ZNF2: variants seen among roughly 807,000 people sequenced by gnomAD.
ZNF2 encodes the protein zinc finger protein 2.2.
Under a neutral mutation model 21.9 loss-of-function variants are expected in ZNF2, and 12 were observed. That is an observed-to-expected ratio of 0.55 (90% confidence interval 0.35 to 0.89). ZNF2 has a LOEUF of 0.89. ZNF2 is among the 40% of genes least tolerant of loss of function. The probability of loss-of-function intolerance (pLI) is 0.01; values close to 1 mark genes in which losing one functional copy is unlikely to be tolerated. For synonymous variants in ZNF2, 186 were observed against 196.3 expected, an observed-to-expected ratio of 0.95 and a Z score of 0.44; for missense variants, 462 against 544.2, an observed-to-expected ratio of 0.85 and a Z score of 1.50.
Position 95,181,438 on chromosome 2 carries a change from C to T in ZNF2, c.610C>T (p.Arg204Cys), listed in dbSNP as rs367743359. ...CACTGGGGAGAAGCCCTACGACTGC[C>T]GCGAGTGTGGGAAAGCCTTCAGCCA... ...THTGEKPYDC[R>C]ECGKAFSHRS... The change falls in exon 5 of 5, where the codon CGC becomes TGC. Residue 204 changes from arginine (R) to cysteine (C), a missense_variant. Coordinates refer to ENST00000614034, the MANE Select transcript of ZNF2 (RefSeq NM_021088.4). 7.7e-5 allele frequency: 124 copies of T among 1,613,886 alleles called. No homozygotes were observed. Among genetic ancestry groups the T allele is most frequent in the South Asian group, 5.5e-5 (5 of 91,062 alleles).
At chr2:95,167,046 GAGCTATGGGC>G (rs1219301691) in intron 1 of ZNF2, among the ~76,000 whole-genome samples, 1 of 152,214 alleles carries the variant, frequency 6.6e-6, no homozygotes, top group Non-Finnish European at 1.5e-5. Context: ...TACAAAGACT[GAGCTATGGGC>G]AGCATCCATG....
At position 95,182,606 on chromosome 2, in the gene ZNF2, G is replaced by A. The variant is rs1875402; in HGVS notation, c.*500G>A. 0.79 allele frequency: 121,794 copies of A among 155,120 alleles called. 48,121 individuals are homozygous for A. The highest frequency in any genetic ancestry group is 0.84 in the African/African-American group (34,916 of 41,484). The allele number at this position is 155,120 out of a possible 1,614,324, so 9.6% of individuals were successfully genotyped here. ...TAGCTAGCACTTACTGAGCACCTGC[G>A]ATGAGGTAAAGACTCAGCTAAGGGT... On this transcript the variant is annotated 3_prime_UTR_variant, in exon 5 of 5. Transcript: ENST00000614034.
intron 1 of ZNF2, among the ~76,000 whole-genome samples, chr2:95,166,596 C>T (rs1674050770): frequency 6.6e-6 from 1 of 152,076 alleles, no homozygotes; most frequent in Admixed American, 6.5e-5. Flanking sequence ...TAGCAGAGAG[C>T]TACTTAGGAA....
chr2:95,176,985 T>A (rs1410109280), intron 2 of ZNF2, among the ~76,000 whole-genome samples: 5 of 152,154 alleles, frequency 3.3e-5, no homozygotes, highest in Non-Finnish European at 7.4e-5. Flanking sequence ...ATAAGATCAA[T>A]GCTATTTTCT....
rs1479388823 is a variant in ZNF2, at chr2:95,182,845, A to C, written c.*739A>C. On this transcript the variant is annotated 3_prime_UTR_variant, in exon 5 of 5. Transcript: ENST00000614034. Reference sequence around the variant, plus strand: ...TTATGCTCGATGGTTTGTTTGTTTTATAATTTATGTATATGTATTATCCTC... The same window carrying C: ...TTATGCTCGATGGTTTGTTTGTTTTCTAATTTATGTATATGTATTATCCTC... 6.6e-6 allele frequency: 1 copy of C among 152,278 alleles called. No homozygotes were observed. The allele number at this position is 152,278 out of a possible 1,614,324, so 9.4% of individuals were successfully genotyped here. A position where few individuals can be genotyped will look rare whatever the true frequency, so the allele number is the denominator to read the frequency against.
At position 95,183,288 on chromosome 2, in the gene ZNF2, A is replaced by T. The variant is rs1674744869; in HGVS notation, c.*1182A>T. On this transcript the variant is annotated 3_prime_UTR_variant, in exon 5 of 5. Coordinates refer to ENST00000614034, the MANE Select transcript of ZNF2 (RefSeq NM_021088.4). ...AGAGAAAGCTAGAGGAATTTGTAGG[A>T]TATTTTCTTAGACCCAGGCTTACAT... 1 of 152,220 alleles carries T rather than the reference A, an allele frequency of 6.6e-6. No homozygotes were observed. The highest frequency in any genetic ancestry group is 1.5e-5 in the Non-Finnish European group (1 of 68,066). 9.4% of individuals were successfully genotyped at this position (152,220 alleles called of 1,614,324 possible).
intron 1 of ZNF2, among the ~76,000 whole-genome samples, chr2:95,167,163 CA>C: frequency 6.6e-6 from 1 of 152,208 alleles, no homozygotes. Context: ...TTACAGTAAC[CA>C]CTTGAATAAG....
chr2:95,180,353 T>C, intron 4 of ZNF2, 81 bp downstream of exon 4: 1 of 895,156 alleles, frequency 1.1e-6, no homozygotes, highest in East Asian at 2.5e-5. Context: ...ACAGGTATCA[T>C]CTTTCTCTCA....
In ZNF2 at chr2:95,176,254, T is replaced by C. The variant is rs1344908984; in HGVS notation, c.28T>C (p.Cys10Arg). The change falls in exon 2 of 5, where the codon TGC becomes CGC. Residue 10 changes from cysteine to arginine, a missense_variant. Transcript: ENST00000614034. ...GGCTGCTGTGTCTCCGACCACCAGA[T>C]GCCAGGTGAGGTGGACTTTTGTGTT... MAAVSPTTR[C>R]QESVTFEDVA... 1.3e-5 allele frequency: 21 copies of C among 1,614,072 alleles called. No homozygotes were observed. Among genetic ancestry groups the C allele is most frequent in the Non-Finnish European group, 1.7e-5 (20 of 1,180,042 alleles).
intron 4 of ZNF2, 145 bp downstream of exon 4, chr2:95,180,417 T>C: frequency 1.7e-6 from 1 of 572,772 alleles, no homozygotes; most frequent in South Asian, 2.6e-5. Context: ...AGCTTTTATT[T>C]TTTTCCCTCT....
intron 4 of ZNF2, 27 bp downstream of exon 4, chr2:95,180,299 G>T: frequency 6.6e-7 from 1 of 1,526,056 alleles, no homozygotes; most frequent in Non-Finnish European, 9.0e-7. Context: ...AAGACAGAAT[G>T]GAATTTTGTT....
chr2:95,179,926 ACCC>A (rs1674578429), intron 3 of ZNF2, among the ~76,000 whole-genome samples: 2 of 151,804 alleles, frequency 1.3e-5, no homozygotes, highest in Admixed American at 1.3e-4. Context: ...GTGTGGTGGC[ACCC>A]GCCTATAATT....
rs1487885535 is a variant in ZNF2 at position 95,181,177 on chromosome 2, A to C, written c.349A>C (p.Arg117=). The change falls in exon 5 of 5, where the codon AGG becomes CGG. Residue 117 remains arginine, a synonymous_variant. Coordinates refer to ENST00000614034, the MANE Select transcript of ZNF2 (RefSeq NM_021088.4). ...AGGATCATTGAGGGAATGCCTTGGAAGGCAAAGTCCTCTGTGTCCTAAATT... is the reference window on the plus strand; with the variant it reads ...AGGATCATTGAGGGAATGCCTTGGACGGCAAAGTCCTCTGTGTCCTAAATT... ...SEGSLRECLG[R]QSPLCPKFEV... 1 of 1,614,144 alleles carries C rather than the reference A, an allele frequency of 6.2e-7. No homozygotes were observed. Among genetic ancestry groups the C allele is most frequent in the East Asian group, 2.2e-5 (1 of 44,898 alleles).
chr2:95,173,614 A>G lies in ZNF2; in HGVS notation c.-39-2574A>G, dbSNP rs550104041. ...CTACCTTATTGATTTATGAGGATGG[A>G]GTTAAATTAGCCTTATAAAAAGCAC... is the stretch of plus-strand genomic sequence containing the variant. On this transcript the variant is annotated intron_variant, in intron 1 of 4. Coordinates refer to ENST00000614034, the MANE Select transcript of ZNF2 (RefSeq NM_021088.4). Among the ~76,000 whole-genome samples, 10 of 152,368 alleles carry G rather than the reference A, an allele frequency of 6.6e-5. No homozygotes were observed. The South Asian group carries it at 1.9e-3, about 28-fold the overall frequency.
In ZNF2 at chr2:95,165,841, C is replaced by G. The variant is rs1424169528; in HGVS notation, c.-59C>G. On this transcript the variant is annotated 5_prime_UTR_variant, in exon 1 of 5. Coordinates refer to ENST00000614034, the MANE Select transcript of ZNF2 (RefSeq NM_021088.4). ...TGAAGAGGCGCCGTCTTCCCGGGTC[C>G]CGAGCACTCTGTGCCGGAGGTGAGG... 2.0e-5 allele frequency: 3 copies of G among 152,334 alleles called. No homozygotes were observed. The highest frequency in any genetic ancestry group is 4.8e-5 in the African/African-American group (2 of 41,464). 9.4% of individuals were successfully genotyped at this position (152,334 alleles called of 1,614,324 possible).
In ZNF2 at chr2:95,181,324, A is replaced by G. The variant is rs1230102499; in HGVS notation, c.496A>G (p.Ile166Val). 1.2e-6 allele frequency: 2 copies of G among 1,614,086 alleles called. No individual in the cohort carries two copies. Among genetic ancestry groups the G allele is most frequent in the African/African-American group, 2.7e-5 (2 of 74,924 alleles). Residue 166 changes from isoleucine to valine, a missense_variant, in exon 5 of 5, where the codon ATT becomes GTT. Physicochemically the swap from Ile to Val is conservative, Grantham distance 29. Transcript: ENST00000614034. ...LRRRSALSRE[I>V]LTKERHQECS... Reference sequence around the variant, plus strand: ...GCGACGGTCAGCCCTGTCCAGGGAAATTCTCACTAAAGAGAGACACCAGGA... The same window carrying G: ...GCGACGGTCAGCCCTGTCCAGGGAAGTTCTCACTAAAGAGAGACACCAGGA...
chr2:95,175,832 A>C (rs1026755252), intron 1 of ZNF2, among the ~76,000 whole-genome samples: 1 of 152,214 alleles, frequency 6.6e-6, no homozygotes, highest in Admixed American at 6.5e-5. Flanking sequence ...CCATGTAGTC[A>C]TTTATAAAAT....
chr2:95,181,732 C>G lies in ZNF2; in HGVS notation c.904C>G (p.Arg302Gly), dbSNP rs746208877. ...CTTTAGCCAGAAAAGTATTCTTACT[C>G]GCCATCAGCTAATCCACACTGGCAG... ...KAFSQKSILT[R>G]HQLIHTGRKP... The change falls in exon 5 of 5, where the codon CGC becomes GGC. Residue 302 changes from arginine to glycine, a missense_variant. Physicochemically the swap from Arg to Gly is moderately radical, Grantham distance 125 (BLOSUM62 -2). Transcript: ENST00000614034. 2 of 1,614,184 alleles carry G rather than the reference C, an allele frequency of 1.2e-6. No homozygotes were observed. The highest frequency in any genetic ancestry group is 1.7e-6 in the Non-Finnish European group (2 of 1,180,040).
rs549101347 is a variant in ZNF2 at position 95,181,304 on chromosome 2, G to C, written c.476G>C (p.Arg159Pro). The C allele has an allele frequency of 2.5e-5, 41 of 1,614,188 alleles. No individual in the cohort carries two copies. In the East Asian group the frequency reaches 9.1e-4, roughly 36 times the overall value. Residue 159 changes from arginine (R) to proline (P), a missense_variant, in exon 5 of 5, where the codon CGG becomes CCG. Transcript: ENST00000614034. The part of the protein sequence containing the change: ...SLSRDKGLRR[R>P]SALSREILTK... Reference sequence around the variant, plus strand: ...TCCCGGGACAAAGGCTTGCGGCGACGGTCAGCCCTGTCCAGGGAAATTCTC... The same window carrying C: ...TCCCGGGACAAAGGCTTGCGGCGACCGTCAGCCCTGTCCAGGGAAATTCTC...
Sources: gnomAD v4.1 joint callset for allele counts (sites outside exome capture counted in the v4.1 genomes callset) on GRCh38, gnomAD v4.1.1 for gene constraint, MANE v1.5 for transcripts, NCBI Gene and HGNC (gene_info 2026-07-23, HGNC 2026-07-21) for gene names.